IL10RB: variants seen among roughly 807,000 people sequenced by gnomAD.
IL10RB encodes interleukin 10 receptor subunit beta, also known as interleukin-10 receptor subunit beta.
IL10RB carries 30 observed loss-of-function variants against 38.7 expected under a neutral mutation model. The observed-to-expected ratio is 0.78, with a 90% CI of 0.58 to 1.05. The LOEUF is 1.05. Ranked by LOEUF, IL10RB falls within the 50% of genes least tolerant of loss-of-function variation. The pLI is 0.00. For synonymous variants in IL10RB, 142 were observed against 145.9 expected, an observed-to-expected ratio of 0.97 and a Z score of 0.19; for missense variants, 328 against 397.1, an observed-to-expected ratio of 0.83 and a Z score of 1.48.
chr21:33,303,045 G>A (rs768946066), intron 1 of IL10RB, among the ~76,000 whole-genome samples: 10 of 152,176 alleles, frequency 6.6e-5, no homozygotes, highest in South Asian at 2.1e-4. Context: ...AGCCTTGCAC[G>A]TGTGCCCAAG....
At chr21:33,289,742 C>T (rs1286588362) in intron 6 of IL10RB, among the ~76,000 whole-genome samples, 1 of 152,136 alleles carries the variant, frequency 6.6e-6, no homozygotes, top group Non-Finnish European at 1.5e-5. Context: ...TTTCATGTCC[C>T]CTGGTAGAAA....
chr21:33,296,866 T>G lies in IL10RB; in HGVS notation c.*509T>G, dbSNP rs1255034013. On this transcript the variant is annotated 3_prime_UTR_variant, in exon 7 of 7. Coordinates refer to ENST00000290200, the MANE Select transcript of IL10RB (RefSeq NM_000628.5). ...GAGTGCCTGAGGCAGGAGAATTGCATGAACCCGGGAGGAGGAGGAGGAGGT... is the reference window on the plus strand; with the variant it reads ...GAGTGCCTGAGGCAGGAGAATTGCAGGAACCCGGGAGGAGGAGGAGGAGGT... 5.3e-5 allele frequency: 14 copies of G among 266,114 alleles called. No individual in the cohort carries two copies. In the East Asian group the frequency reaches 1.3e-3, roughly 25 times the overall value. 16.5% of individuals were successfully genotyped at this position (266,114 alleles called of 1,614,324 possible). A position where few individuals can be genotyped will look rare whatever the true frequency, so the allele number is the denominator to read the frequency against.
intron 6 of IL10RB, among the ~76,000 whole-genome samples, chr21:33,295,357 GAAAA>G (rs59137986): frequency 1.8e-5 from 1 of 55,878 alleles, no homozygotes; most frequent in Non-Finnish European, 3.5e-5. Context: ...GACTCCGTCT[GAAAA>G]AAAAAAAAAA....
At chr21:33,289,321 T>C (rs1989438675) in intron 6 of IL10RB, among the ~76,000 whole-genome samples, 2 of 152,146 alleles carry the variant, frequency 1.3e-5, no homozygotes, top group African/African-American at 4.8e-5. Context: ...AGGATCTGAG[T>C]TGATCTCGTT....
intron 5 of IL10RB, among the ~76,000 whole-genome samples, chr21:33,284,959 G>C (rs1471117420): frequency 6.6e-6 from 1 of 152,036 alleles, no homozygotes. Flanking sequence ...GCAGTGGCTC[G>C]ATCTTGGCAC....
chr21:33,283,376 C>T (rs557117666), intron 5 of IL10RB, 135 bp downstream of exon 5: 34 of 907,124 alleles, frequency 3.7e-5, no homozygotes, highest in Non-Finnish European at 5.7e-5. Context: ...TCAGCCCTGA[C>T]TGCTCAGCTT....
chr21:33,288,404 CAGA>C (rs754485660), intron 6 of IL10RB, 143 bp downstream of exon 6: 1 of 656,996 alleles, frequency 1.5e-6, no homozygotes, highest in Non-Finnish European at 2.8e-6. Context: ...CACACACACA[CAGA>C]CACGCCTCTT....
At chr21:33,277,668 CTTTTTTTTTT>C in intron 3 of IL10RB, among the ~76,000 whole-genome samples, 1 of 92,984 alleles carries the variant, frequency 1.1e-5, no homozygotes, top group East Asian at 3.1e-4. Context: ...TTCTTTCTTT[CTTTTTTTTTT>C]TTTTTTTTTT....
downstream of IL10RB, among the ~76,000 whole-genome samples, chr21:33,300,534 C>T (rs376114899): frequency 1.1e-4 from 17 of 151,780 alleles, 1 homozygote; most frequent in Admixed American, 5.9e-4. Context: ...AACAAATCAC[C>T]ATAAAACATA....
chr21:33,282,514 G>A (rs1989297937), intron 4 of IL10RB, among the ~76,000 whole-genome samples: 3 of 152,114 alleles, frequency 2.0e-5, no homozygotes, highest in Admixed American at 2.0e-4. Context: ...CAGCCTGGAC[G>A]ACAAGAGTGA....
At chr21:33,274,596 T>G (rs1468944557) in intron 2 of IL10RB, among the ~76,000 whole-genome samples, 1 of 152,212 alleles carries the variant, frequency 6.6e-6, no homozygotes, top group African/African-American at 2.4e-5. Context: ...TAAATCTCCA[T>G]CAGAGTTCTT....
chr21:33,266,408 C>T lies in IL10RB; in HGVS notation c.-58C>T, dbSNP rs1988940917. 2.0e-6 allele frequency: 3 copies of T among 1,524,108 alleles called. No homozygotes were observed. The highest frequency in any genetic ancestry group is 1.8e-6 in the Non-Finnish European group (2 of 1,136,708). 94.4% of individuals were successfully genotyped at this position (1,524,108 alleles called of 1,614,324 possible). Reference sequence around the variant, plus strand: ...GGAAGCCGCCGCGGACAAGCTCTCCCGGGCGCGGGCGGGGGTCGTGTGCTT... The same window carrying T: ...GGAAGCCGCCGCGGACAAGCTCTCCTGGGCGCGGGCGGGGGTCGTGTGCTT... On this transcript the variant is annotated 5_prime_UTR_variant, in exon 1 of 7. Coordinates refer to ENST00000290200, the MANE Select transcript of IL10RB (RefSeq NM_000628.5).
intron 5 of IL10RB, among the ~76,000 whole-genome samples, chr21:33,283,848 C>T (rs28385661): frequency 1.7e-3 from 266 of 152,262 alleles, no homozygotes; most frequent in Middle Eastern, 3.4e-3. Flanking sequence ...TATGTGCAGA[C>T]ACATTGCAGT....
At chr21:33,272,717 A>G (rs1399425573) in intron 2 of IL10RB, among the ~76,000 whole-genome samples, 1 of 152,170 alleles carries the variant, frequency 6.6e-6, no homozygotes, top group African/African-American at 2.4e-5. Context: ...GAGTGCTGGG[A>G]TTATAGGCGT....
At chr21:33,279,003 A>G (rs984776296) in intron 3 of IL10RB, among the ~76,000 whole-genome samples, 1 of 152,238 alleles carries the variant, frequency 6.6e-6, no homozygotes, top group Non-Finnish European at 1.5e-5. Flanking sequence ...AGCTACAACA[A>G]TGAACGAGAC....
chr21:33,285,409 T>C (rs1989355284), intron 5 of IL10RB, among the ~76,000 whole-genome samples: 1 of 152,170 alleles, frequency 6.6e-6, no homozygotes, highest in Non-Finnish European at 1.5e-5. Flanking sequence ...AAGAGTAGTC[T>C]GCCTCATGGT....
At chr21:33,274,347 T>G (rs1989133538) in intron 2 of IL10RB, among the ~76,000 whole-genome samples, 2 of 152,072 alleles carry the variant, frequency 1.3e-5, no homozygotes, top group Admixed American at 1.3e-4. Context: ...TTTTGTATTT[T>G]TTTTTTAGTA....
At chr21:33,269,869 A>C (rs1295025730) in intron 2 of IL10RB, among the ~76,000 whole-genome samples, 1 of 152,160 alleles carries the variant, frequency 6.6e-6, no homozygotes, top group Non-Finnish European at 1.5e-5. Context: ...CGTGTTAGCC[A>C]GGATGGTCAC....
chr21:33,274,417 G>T (rs796366363), intron 2 of IL10RB, among the ~76,000 whole-genome samples: 1 of 152,076 alleles, frequency 6.6e-6, no homozygotes, highest in East Asian at 1.9e-4. Context: ...CAAGTGATTT[G>T]CCCGCCTTGG....
Sources: gnomAD v4.1 joint callset for allele counts (sites outside exome capture counted in the v4.1 genomes callset) on GRCh38, gnomAD v4.1.1 for gene constraint, MANE v1.5 for transcripts, NCBI Gene and HGNC (gene_info 2026-07-23, HGNC 2026-07-21) for gene names.